The following GOLGA6C variants were observed in gnomAD, a reference collection of about 807,000 sequenced individuals.
The protein encoded by GOLGA6C is golgin A6 family member C.
In GOLGA6C, 3 loss-of-function variants were observed where a neutral mutation model predicts 57.5. The ratio of observed to expected loss-of-function variants is 0.05; its 90% CI spans 0.02 to 0.13. The LOEUF is 0.13. Among genes scored for constraint, GOLGA6C ranks in the 10% least tolerant of loss-of-function variants. The pLI is 1.00. For synonymous variants in GOLGA6C, 32 were observed against 203.8 expected, an observed-to-expected ratio of 0.16 and a Z score of 7.18; for missense variants, 88 against 525.6, an observed-to-expected ratio of 0.17 and a Z score of 8.14.
intron 1 of GOLGA6C, among the ~76,000 whole-genome samples, chr15:75,259,240 C>T (rs1358533023): frequency 1.9e-3 from 281 of 147,798 alleles, no homozygotes; most frequent in African/African-American, 6.9e-3. Flanking sequence ...TCCCCCACCC[C>T]CAGGAGGAGT....
At chr15:75,265,037 G>T (rs1397945370) in intron 7 of GOLGA6C, 85 bp from the exon 8 acceptor site, 1 of 1,531,104 alleles carries the variant, frequency 6.5e-7, no homozygotes, top group African/African-American at 1.4e-5. Flanking sequence ...TACTAACCGA[G>T]TTGTATATTG....
rs2070755898 is a variant in GOLGA6C, at chr15:75,265,404, A to T, written c.739A>T (p.Met247Leu). ...AGAGAGGGCCCGGTGGCAGGAGAGGATGTGGAAAATGTCGGTGGAGGTGAG... is the reference window on the plus strand; with the variant it reads ...AGAGAGGGCCCGGTGGCAGGAGAGGTTGTGGAAAATGTCGGTGGAGGTGAG... ...KGERARWQER[M>L]WKMSVEARTL... The change falls in exon 9 of 18, where the codon ATG (methionine) becomes TTG (leucine). Residue 247 changes from methionine to leucine, a missense_variant. Transcript: ENST00000300576. 6.3e-7 allele frequency: 1 copy of T among 1,596,026 alleles called. No individual in the cohort carries two copies. The highest frequency in any genetic ancestry group is 1.7e-5 in the Admixed American group (1 of 59,116).
In GOLGA6C at chr15:75,270,232, G is replaced by T; in HGVS notation, c.*33G>T. 6.3e-7 allele frequency: 1 copy of T among 1,584,846 alleles called. No homozygotes were observed. The highest frequency in any genetic ancestry group is 8.5e-7 in the Non-Finnish European group (1 of 1,169,888). ...CAGGCTTGCCCAGCAAACCCTGCGT[G>T]CCATTCTTCTACCAGGCAGCCGAGA... On this transcript the variant is annotated 3_prime_UTR_variant, in exon 18 of 18. Transcript: ENST00000300576.
At chr15:75,258,846 C>T (rs1259530801) in intron 1 of GOLGA6C, among the ~76,000 whole-genome samples, 164 bp downstream of exon 1, 6 of 151,422 alleles carry the variant, frequency 4.0e-5, no homozygotes, top group South Asian at 2.1e-4. Context: ...CAGTCAGCCC[C>T]GCCCCTTCAG....
In GOLGA6C at chr15:75,270,331, G is replaced by A; in HGVS notation, c.*132G>A. On this transcript the variant is annotated 3_prime_UTR_variant, in exon 18 of 18. Coordinates refer to ENST00000300576, the MANE Select transcript of GOLGA6C (RefSeq NM_001164404.2). ...AAACAACAACAACAAAAAGTTACGGGGTTCATCTCCTACACAATTCATTTA... is the reference window on the plus strand; with the variant it reads ...AAACAACAACAACAAAAAGTTACGGAGTTCATCTCCTACACAATTCATTTA... The A allele has an allele frequency of 2.1e-6, 3 of 1,438,186 alleles. No homozygotes were observed. The highest frequency in any genetic ancestry group is 1.4e-5 in the South Asian group (1 of 71,116). The allele number at this position is 1,438,186 out of a possible 1,614,324, so 89.1% of individuals were successfully genotyped here.
intron 1 of GOLGA6C, among the ~76,000 whole-genome samples, chr15:75,259,287 C>A (rs1343073332): frequency 7.8e-6 from 1 of 128,308 alleles, no homozygotes; most frequent in Non-Finnish European, 1.6e-5. Flanking sequence ...TAGGAACTGT[C>A]ATTACTGCTG....
rs1368569467 is a variant in GOLGA6C, at chr15:75,273,113, G to A, written c.*2914G>A. Among the ~76,000 whole-genome samples, 1 of 152,126 alleles carries A rather than the reference G, an allele frequency of 6.6e-6. No individual in the cohort carries two copies. Among genetic ancestry groups the A allele is most frequent in the African/African-American group, 2.4e-5 (1 of 41,354 alleles). The stretch of plus-strand genomic sequence containing the variant: ...ATAAATCAGCCCTATGCATAATATA[G>A]TTTCTCTAAAACTTTATCTTAAAGA... On this transcript the variant is annotated 3_prime_UTR_variant, in exon 18 of 18. Coordinates refer to ENST00000300576, the MANE Select transcript of GOLGA6C (RefSeq NM_001164404.2).
Position 75,270,429 on chromosome 15 carries a change from G to T in GOLGA6C, c.*230G>T, listed in dbSNP as rs1407219137. Among the ~76,000 whole-genome samples the T allele has an allele frequency of 7.7e-6, 1 of 129,838 alleles. No individual in the cohort carries two copies. Among genetic ancestry groups the T allele is most frequent in the African/African-American group, 3.2e-5 (1 of 31,706 alleles). The allele number at this position is 129,838 out of a possible 152,430, so 85.2% of individuals were successfully genotyped here. On this transcript the variant is annotated 3_prime_UTR_variant, in exon 18 of 18. Coordinates refer to ENST00000300576, the MANE Select transcript of GOLGA6C (RefSeq NM_001164404.2). The stretch of plus-strand genomic sequence containing the variant: ...TACCGTTTAAATTTATTTGTAAAAA[G>T]TTAAGGGAGAGTTGGTCTTTCCCTG...
At chr15:75,264,462 G>GTGTA (rs1347389312) in intron 7 of GOLGA6C, among the ~76,000 whole-genome samples, 2 of 137,346 alleles carry the variant, frequency 1.5e-5, no homozygotes, top group African/African-American at 6.1e-5. Context: ...GTGTGTGTGT[G>GTGTA]TGTGTGTGTG....
At chr15:75,260,620 C>A (rs1376678186) in intron 2 of GOLGA6C, 128 bp downstream of exon 2, 3 of 1,009,460 alleles carry the variant, frequency 3.0e-6, no homozygotes, top group Non-Finnish European at 4.3e-6. Context: ...TGCTAGCGAT[C>A]TGATTTATGG....
Position 75,258,625 on chromosome 15 carries a change from C to T in GOLGA6C, c.27C>T (p.Pro9=). 3.6e-6 allele frequency: 2 copies of T among 554,712 alleles called. No homozygotes were observed. Among genetic ancestry groups the T allele is most frequent in the Non-Finnish European group, 6.4e-6 (2 of 312,842 alleles). The allele number at this position is 554,712 out of a possible 1,614,324, so 34.4% of individuals were successfully genotyped here. The change falls in exon 1 of 18, where the codon CCC becomes CCT. Residue 9 remains proline (P), a synonymous_variant. Coordinates refer to ENST00000300576, the MANE Select transcript of GOLGA6C (RefSeq NM_001164404.2). MWPQPYLP[P]HPMMLEESRQ... ...TGTGGCCCCAACCCTACCTCCCTCC[C>T]CACCCCATGATGTTAGAAGAATCTC...
At chr15:75,258,784 G>T (rs1304475329) in intron 1 of GOLGA6C, 102 bp downstream of exon 1, 1 of 682,774 alleles carries the variant, frequency 1.5e-6, no homozygotes, top group African/African-American at 1.8e-5. Context: ...AGGCACACCG[G>T]GCTGGGCCCC....
At position 75,270,360 on chromosome 15, in the gene GOLGA6C, C is replaced by T. The variant is rs1341062262; in HGVS notation, c.*161C>T. Reference sequence around the variant, plus strand: ...CATCTCCTACACAATTCATTTACTCCATTTGAATGCTAGAGCCACTCACAT... The same window carrying T: ...CATCTCCTACACAATTCATTTACTCTATTTGAATGCTAGAGCCACTCACAT... On this transcript the variant is annotated 3_prime_UTR_variant, in exon 18 of 18. Transcript: ENST00000300576. Among the ~76,000 whole-genome samples the T allele has an allele frequency of 6.9e-6, 1 of 144,090 alleles. No homozygotes were observed. Among genetic ancestry groups the T allele is most frequent in the Non-Finnish European group, 1.5e-5 (1 of 66,914 alleles). The allele number at this position is 144,090 out of a possible 152,430, so 94.5% of individuals were successfully genotyped here.
At position 75,272,775 on chromosome 15, in the gene GOLGA6C, C is replaced by T. The variant is rs552090576; in HGVS notation, c.*2576C>T. ...TATAACAATAACTTAAGTCTTTCTT[C>T]AAAGTGCATGTGGTCCTTTGCAATA... On this transcript the variant is annotated 3_prime_UTR_variant, in exon 18 of 18. Coordinates refer to ENST00000300576, the MANE Select transcript of GOLGA6C (RefSeq NM_001164404.2). Among the ~76,000 whole-genome samples, 2 of 151,532 alleles carry T rather than the reference C, an allele frequency of 1.3e-5. No individual in the cohort carries two copies. The highest frequency in any genetic ancestry group is 1.9e-4 in the East Asian group (1 of 5,194).
At position 75,266,250 on chromosome 15, in the gene GOLGA6C, T is replaced by C; in HGVS notation, c.993T>C (p.Leu331=). The change falls in exon 11 of 18, where the codon CTT becomes CTC. Residue 331 remains leucine, a synonymous_variant. Coordinates refer to ENST00000300576, the MANE Select transcript of GOLGA6C (RefSeq NM_001164404.2). ...QVENNQALSL[L]SKEQKQRLQE... ...AAAACAATCAGGCCTTGAGTCTCCT[T>C]AGCAAGGAACAAAAGCAGAGACTCC... The C allele has an allele frequency of 1.0e-6, 1 of 953,804 alleles. No individual in the cohort carries two copies. Among genetic ancestry groups the C allele is most frequent in the Non-Finnish European group, 1.5e-6 (1 of 662,524 alleles). 59.1% of individuals were successfully genotyped at this position (953,804 alleles called of 1,614,324 possible).
rs1471991007 is a variant in GOLGA6C, at chr15:75,270,384, A to C, written c.*185A>C. 7.1e-6 allele frequency among the ~76,000 whole-genome samples: 1 copy of C among 140,268 alleles called. No homozygotes were observed. The highest frequency in any genetic ancestry group is 2.9e-5 in the African/African-American group (1 of 35,000). The allele number at this position is 140,268 out of a possible 152,430, so 92.0% of individuals were successfully genotyped here. On this transcript the variant is annotated 3_prime_UTR_variant, in exon 18 of 18. Transcript: ENST00000300576. The stretch of plus-strand genomic sequence containing the variant: ...CCATTTGAATGCTAGAGCCACTCAC[A>C]TTTATTTGTGTTTCTAATTTACCGT...
rs2070797756 is a variant in GOLGA6C at position 75,273,122 on chromosome 15, A to T, written c.*2923A>T. Among the ~76,000 whole-genome samples the T allele has an allele frequency of 6.6e-6, 1 of 152,156 alleles. No homozygotes were observed. The highest frequency in any genetic ancestry group is 2.1e-4 in the South Asian group (1 of 4,836). On this transcript the variant is annotated 3_prime_UTR_variant, in exon 18 of 18. Coordinates refer to ENST00000300576, the MANE Select transcript of GOLGA6C (RefSeq NM_001164404.2). ...CCCTATGCATAATATAGTTTCTCTA[A>T]AACTTTATCTTAAAGAGTCATTTTA...
intron 2 of GOLGA6C, among the ~76,000 whole-genome samples, chr15:75,261,706 G>A (rs1680703485): frequency 2.3e-5 from 1 of 43,636 alleles, no homozygotes; most frequent in African/African-American, 5.8e-5. Context: ...GATTGATTGG[G>A]TTTTTTCCTT....
rs771783899 is a variant in GOLGA6C at position 75,270,131 on chromosome 15, G to T, written c.2014G>T (p.Gly672Cys). The T allele has an allele frequency of 1.6e-5, 25 of 1,595,810 alleles. No individual in the cohort carries two copies. The East Asian group carries it at 1.6e-4, about 10-fold the overall frequency. The change falls in exon 18 of 18, where the codon GGT becomes TGT. Residue 672 changes from glycine to cysteine, a missense_variant. By Grantham distance (159) the Gly-to-Cys change is radical. Transcript: ENST00000300576. ...VEPAPGAAREGSPHDNPPVQQ... is the reference protein window; with the variant it reads ...VEPAPGAARECSPHDNPPVQQ... ...GCCTGCACCAGGAGCGGCCAGGGAGGGTTCTCCCCATGACAACCCCCCGGT... is the reference window on the plus strand; with the variant it reads ...GCCTGCACCAGGAGCGGCCAGGGAGTGTTCTCCCCATGACAACCCCCCGGT...
Sources: gnomAD v4.1 joint callset for allele counts (sites outside exome capture counted in the v4.1 genomes callset) on GRCh38, gnomAD v4.1.1 for gene constraint, MANE v1.5 for transcripts, NCBI Gene and HGNC (gene_info 2026-07-23, HGNC 2026-07-21) for gene names.